WNK1: variants seen among roughly 807,000 people sequenced by gnomAD.
The protein encoded by WNK1 is serine/threonine-protein kinase WNK1.
Under a neutral mutation model 222.8 loss-of-function variants are expected in WNK1, and 38 were observed. That is an observed-to-expected ratio of 0.17 (90% confidence interval 0.13 to 0.22). WNK1 has a LOEUF of 0.22. WNK1 is among the 10% of genes least tolerant of loss of function. The pLI, the probability that WNK1 is intolerant of heterozygous loss-of-function variation, is 1.00. For synonymous variants in WNK1, 1,090 were observed against 1,092.9 expected (o/e 1.00, Z 0.05); for missense variants, 2,348 against 2,918.4 (o/e 0.80, Z 4.50).
intron 19 of WNK1, 150 bp downstream of exon 19, chr12:886,234 G>A (rs1953635932): frequency 1.4e-6 from 1 of 699,114 alleles, no homozygotes; most frequent in East Asian, 3.1e-5. Context: ...GCAGTTTGAG[G>A]GTATATCTAC....
At chr12:785,605 G>A (rs986979651) in intron 1 of WNK1, among the ~76,000 whole-genome samples, 2 of 151,968 alleles carry the variant, frequency 1.3e-5, no homozygotes, top group African/African-American at 4.8e-5. Context: ...CACCGTGTTC[G>A]CCAGGGTGAT....
intron 5 of WNK1, among the ~76,000 whole-genome samples, 180 bp downstream of exon 5, chr12:857,429 A>T (rs960116481): frequency 6.6e-6 from 1 of 152,208 alleles, no homozygotes; most frequent in African/African-American, 2.4e-5. Context: ...GATATACTGG[A>T]ACACTGTAAA....
rs576747178 is a variant in WNK1 at position 768,280 on chromosome 12, C to T, written c.759+13956C>T. Among the ~76,000 whole-genome samples the T allele has an allele frequency of 1.2e-4, 18 of 152,218 alleles. 1 individual carries two copies. The highest frequency in any genetic ancestry group is 3.6e-4 in the African/African-American group (15 of 41,528). On this transcript the variant is annotated intron_variant, in intron 1 of 27. Transcript: ENST00000315939. ...CCTCCCAAGTAGCTGGGGTTACAGG[C>T]GCTTGCAACCATGACCAGCTAATTT...
At chr12:832,763 C>T (rs1346508311) in intron 4 of WNK1, among the ~76,000 whole-genome samples, 1 of 152,202 alleles carries the variant, frequency 6.6e-6, no homozygotes, top group Non-Finnish European at 1.5e-5. Flanking sequence ...CTTCTTAATA[C>T]TCACCCAGAT....
chr12:876,805 T>TTG (rs1952655076), intron 9 of WNK1, among the ~76,000 whole-genome samples: 1 of 152,150 alleles, frequency 6.6e-6, no homozygotes, highest in Non-Finnish European at 1.5e-5. Context: ...AGGCATGTTT[T>TTG]TGTTTTGTTT....
rs781281269 is a variant in WNK1, at chr12:896,558, A to G, written c.6071A>G (p.Asp2024Gly). 1.6e-5 allele frequency: 26 copies of G among 1,613,142 alleles called. No homozygotes were observed. The highest frequency in any genetic ancestry group is 3.3e-5 in the Admixed American group (2 of 59,832). The change falls in exon 24 of 28, where the codon GAT becomes GGT. Residue 2024 changes from aspartate to glycine, a missense_variant. This residue lies in a region of WNK1 where 1,144 missense variants were observed against 1,273.6 expected (regional missense o/e 0.90). Transcript: ENST00000315939. Reference protein sequence around the residue: ...PEAAFLSRDVDDGSGSPHSPH... With the variant: ...PEAAFLSRDVGDGSGSPHSPH... ...GCCGCTTTTTTAAGTAGGGATGTGG[A>G]TGATGGTTCCGGTAGTCCACACTCG...
chr12:865,142 T>TCTC, intron 8 of WNK1: 3 of 1,531,932 alleles, frequency 2.0e-6, no homozygotes, highest in Non-Finnish European at 2.6e-6. Flanking sequence ...CGGTTTGTGT[T>TCTC]CCCATCTTTC....
intron 6 of WNK1, among the ~76,000 whole-genome samples, chr12:860,223 G>A (rs1417434635): frequency 6.6e-6 from 1 of 152,132 alleles, no homozygotes; most frequent in African/African-American, 2.4e-5. Flanking sequence ...TCAGTTATCT[G>A]GATGAACTCT....
At chr12:820,518 G>A (rs542371461) in intron 2 of WNK1, among the ~76,000 whole-genome samples, 2 of 140,480 alleles carry the variant, frequency 1.4e-5, no homozygotes, top group East Asian at 2.2e-4. Context: ...CTCTGTCACC[G>A]AGGCTGGAGT....
chr12:866,239 T>C (rs927313846), intron 8 of WNK1, among the ~76,000 whole-genome samples: 8 of 152,190 alleles, frequency 5.3e-5, no homozygotes, highest in African/African-American at 1.9e-4. Context: ...GAAATCCTTA[T>C]TTAGCTATTG....
At chr12:886,333 A>G (rs1298579722) in intron 19 of WNK1, among the ~76,000 whole-genome samples, 1 of 152,172 alleles carries the variant, frequency 6.6e-6, no homozygotes, top group Non-Finnish European at 1.5e-5. Flanking sequence ...ATTATCGGGT[A>G]AAATACAGGT....
At chr12:905,030 G>A (rs947184446) in intron 26 of WNK1, among the ~76,000 whole-genome samples, 9 of 152,184 alleles carry the variant, frequency 5.9e-5, no homozygotes, top group African/African-American at 2.2e-4. Flanking sequence ...ATGTTGGGCT[G>A]TAAGTTATGG....
chr12:851,635 A>G, intron 4 of WNK1: 1 of 1,288,766 alleles, frequency 7.8e-7, no homozygotes, highest in Non-Finnish European at 1.0e-6. Context: ...GCTGATGTAC[A>G]TCAGAGACAT....
In WNK1 at chr12:753,673, G is replaced by C. The variant is rs375485682; in HGVS notation, c.108G>C (p.Gly36=). The change falls in exon 1 of 28, where the codon GGG becomes GGC. Residue 36 remains glycine (G), a synonymous_variant. Transcript: ENST00000315939. This position sits in a 1 kb window ranked among gnomAD's most constrained non-coding sequence, Gnocchi z 5.2. ...KNGSSSDSSV[G]EKLGAAAADA... ...GCTCCAGCTCCGATTCCTCCGTGGG[G>C]GAGAAACTGGGAGCCGCGGCCGCCG... 5.1e-5 allele frequency: 83 copies of C among 1,612,258 alleles called. No homozygotes were observed. Among genetic ancestry groups the C allele is most frequent in the Non-Finnish European group, 6.4e-5 (76 of 1,179,848 alleles).
chr12:887,132 T>C, intron 19 of WNK1, 89 bp from the exon 20 acceptor site: 1 of 1,102,296 alleles, frequency 9.1e-7, no homozygotes, highest in Non-Finnish European at 1.4e-6. Flanking sequence ...TTCTTATGTT[T>C]GTGCATTCAA....
Position 908,861 on chromosome 12 carries a change from G to GGGGGGGGGA in WNK1, c.*69_*70insGGGGGGGGA. The GGGGGGGGGA allele has an allele frequency of 2.0e-6, 1 of 491,846 alleles. No homozygotes were observed. The highest frequency in any genetic ancestry group is 2.2e-5 in the Admixed American group (1 of 46,428). The allele number at this position is 491,846 out of a possible 1,614,324, so 30.5% of individuals were successfully genotyped here. ...ATGCTGAGGGGGTGGGTGGGGGTGG[G>GGGGGGGGGA]AAGTAGCCTATATACTAACTACTAG... On this transcript the variant is annotated 3_prime_UTR_variant, in exon 28 of 28. Coordinates refer to ENST00000315939, the MANE Select transcript of WNK1 (RefSeq NM_018979.4).
At chr12:771,411 G>GTC (rs1332306175) in intron 1 of WNK1, among the ~76,000 whole-genome samples, 1 of 152,100 alleles carries the variant, frequency 6.6e-6, no homozygotes, top group Non-Finnish European at 1.5e-5. Flanking sequence ...GGTTTTTGGT[G>GTC]TCTGTCTCTT....
chr12:821,581 T>G (rs1477018033), intron 2 of WNK1, among the ~76,000 whole-genome samples: 1 of 152,228 alleles, frequency 6.6e-6, no homozygotes. Flanking sequence ...GTTCAAGTCT[T>G]CTGTTTTCTT....
chr12:900,384 C>A, intron 25 of WNK1, 92 bp from the exon 26 acceptor site: 2 of 1,376,952 alleles, frequency 1.5e-6, no homozygotes, highest in South Asian at 1.2e-5. Flanking sequence ...ATTCATCACT[C>A]AGTGGAACAA....
Sources: gnomAD v4.1 joint callset for allele counts (sites outside exome capture counted in the v4.1 genomes callset) on GRCh38, gnomAD v4.1.1 for gene constraint, gnomAD v4.1.1 regional missense constraint, Gnocchi (gnomAD v3.1) non-coding constraint, MANE v1.5 for transcripts, NCBI Gene and HGNC (gene_info 2026-07-23, HGNC 2026-07-21) for gene names.